Variants in UBE2R2 observed in about 807,000 individuals in gnomAD.
UBE2R2 encodes ubiquitin-conjugating enzyme E2 R2.
In UBE2R2, 1 loss-of-function variant was observed where a neutral mutation model predicts 27.8. That is an observed-to-expected ratio of 0.04 (90% CI 0.01 to 0.17). The LOEUF is 0.17. Ranked by LOEUF, UBE2R2 falls within the 10% of genes least tolerant of loss-of-function variation. UBE2R2 has a pLI of 1.00. For missense variants in UBE2R2, 100 were observed against 291.0 expected, an observed-to-expected ratio of 0.34 and a Z score of 4.78; for synonymous variants, 106 against 113.3, an observed-to-expected ratio of 0.94 and a Z score of 0.41.
rs144208933 is a variant in UBE2R2, at chr9:33,874,598, G to A, written c.178-12283G>A. Among the ~76,000 whole-genome samples, 332 of 150,758 alleles carry A rather than the reference G, an allele frequency of 2.2e-3. 5 individuals carry two copies. The highest frequency in any genetic ancestry group is 0.019 in the South Asian group (88 of 4,748). On this transcript the variant is annotated intron_variant, in intron 1 of 4. Coordinates refer to ENST00000263228, the MANE Select transcript of UBE2R2 (RefSeq NM_017811.4). ...TATATTATTATTATTTATCCTACCC[G>A]CCCCCTCCTCCATTTTATTTTGTAA...
chr9:33,817,718 G>A lies in UBE2R2; in HGVS notation c.-40G>A. 6.8e-7 allele frequency: 1 copy of A among 1,461,580 alleles called. No homozygotes were observed. The highest frequency in any genetic ancestry group is 9.1e-7 in the Non-Finnish European group (1 of 1,104,300). The allele number at this position is 1,461,580 out of a possible 1,614,324, so 90.5% of individuals were successfully genotyped here. On this transcript the variant is annotated 5_prime_UTR_variant, in exon 1 of 5. Coordinates refer to ENST00000263228, the MANE Select transcript of UBE2R2 (RefSeq NM_017811.4). ...CCGGCCCGGCCGGTGCGTGAGGACT[G>A]GGGCCCGGGCCCGGCGCCGCCGCCG...
chr9:33,915,208 G>A (rs890723249), intron 4 of UBE2R2, among the ~76,000 whole-genome samples: 9 of 152,040 alleles, frequency 5.9e-5, no homozygotes, highest in African/African-American at 1.9e-4. Flanking sequence ...GGGATGAGGG[G>A]ACAGATATAA....
At chr9:33,914,182 A>G (rs1368690146) in intron 4 of UBE2R2, among the ~76,000 whole-genome samples, 1 of 152,238 alleles carries the variant, frequency 6.6e-6, no homozygotes, top group Non-Finnish European at 1.5e-5. Context: ...TTGAAAACAA[A>G]TGACCATGTA....
chr9:33,830,207 G>A (rs1217617727), intron 1 of UBE2R2, among the ~76,000 whole-genome samples: 1 of 148,512 alleles, frequency 6.7e-6, no homozygotes, highest in Non-Finnish European at 1.5e-5. Flanking sequence ...ACCCATGCTG[G>A]AGTGCAGTTG....
chr9:33,839,997 T>TA (rs58097090), intron 1 of UBE2R2, among the ~76,000 whole-genome samples: 31 of 148,112 alleles, frequency 2.1e-4, no homozygotes, highest in South Asian at 4.3e-4. Context: ...CCCTGACTCT[T>TA]AAAAAAAAAA....
intron 1 of UBE2R2, among the ~76,000 whole-genome samples, chr9:33,832,326 A>C (rs1329317320): frequency 7.0e-6 from 1 of 143,874 alleles, no homozygotes; most frequent in African/African-American, 2.6e-5. Context: ...AAAAGAAAAG[A>C]AAAGAAATTA....
chr9:33,855,195 G>A (rs1044078518), intron 1 of UBE2R2, among the ~76,000 whole-genome samples: 17 of 152,076 alleles, frequency 1.1e-4, no homozygotes, highest in African/African-American at 3.9e-4. Context: ...GCCCCTCATG[G>A]CATTTTTTTG....
At chr9:33,905,200 C>T (rs1355037056) in intron 3 of UBE2R2, among the ~76,000 whole-genome samples, 1 of 152,078 alleles carries the variant, frequency 6.6e-6, no homozygotes, top group African/African-American at 2.4e-5. Context: ...AAAAATAAAG[C>T]GTGAAACCAA....
intron 3 of UBE2R2, among the ~76,000 whole-genome samples, chr9:33,904,534 T>TG (rs1822310458): frequency 6.6e-6 from 1 of 152,210 alleles, no homozygotes; most frequent in African/African-American, 2.4e-5. Context: ...ATGGACATAT[T>TG]TATAACATAA....
intron 1 of UBE2R2, among the ~76,000 whole-genome samples, chr9:33,850,445 A>T (rs373604716): frequency 5.6e-4 from 86 of 152,228 alleles, no homozygotes; most frequent in African/African-American, 2.0e-3. Flanking sequence ...TCATTCCATG[A>T]TACTAGATCT....
At chr9:33,884,886 C>T (rs1360899740) in intron 1 of UBE2R2, among the ~76,000 whole-genome samples, 1 of 152,068 alleles carries the variant, frequency 6.6e-6, no homozygotes, top group Admixed American at 6.6e-5. Flanking sequence ...TCTCCTCTTC[C>T]CCAGGGTTTT....
intron 1 of UBE2R2, among the ~76,000 whole-genome samples, chr9:33,851,670 T>C (rs1820970148): frequency 6.6e-6 from 1 of 152,210 alleles, no homozygotes; most frequent in Non-Finnish European, 1.5e-5. Context: ...TTTGCCAAGC[T>C]TCTCCACTAT....
At chr9:33,843,503 G>A (rs1341674267) in intron 1 of UBE2R2, among the ~76,000 whole-genome samples, 1 of 151,538 alleles carries the variant, frequency 6.6e-6, no homozygotes, top group Non-Finnish European at 1.5e-5. Context: ...TTTTGAGATG[G>A]AGTCTGGCTA....
chr9:33,884,961 C>T (rs890507108), intron 1 of UBE2R2, among the ~76,000 whole-genome samples: 2 of 151,974 alleles, frequency 1.3e-5, no homozygotes, highest in Non-Finnish European at 2.9e-5. Context: ...TATATAATGT[C>T]GATATTATTG....
intron 1 of UBE2R2, among the ~76,000 whole-genome samples, chr9:33,818,253 C>T (rs1190449705): frequency 6.6e-6 from 1 of 151,942 alleles, no homozygotes; most frequent in Non-Finnish European, 1.5e-5. Context: ...GTGGAAAGAG[C>T]GGTGGTCTAT....
chr9:33,841,579 A>AAT (rs1177306846), intron 1 of UBE2R2, among the ~76,000 whole-genome samples: 1 of 152,128 alleles, frequency 6.6e-6, no homozygotes, highest in Non-Finnish European at 1.5e-5. Flanking sequence ...TAGGGCGCCT[A>AAT]ATATGGACCT....
chr9:33,840,655 C>T (rs925746646), intron 1 of UBE2R2, among the ~76,000 whole-genome samples: 7 of 151,882 alleles, frequency 4.6e-5, no homozygotes, highest in Admixed American at 6.6e-5. Flanking sequence ...AAATCATGTC[C>T]GCAGTTGTTG....
At chr9:33,900,303 T>C (rs1822216517) in intron 3 of UBE2R2, 32 bp downstream of exon 3, 1 of 1,483,612 alleles carries the variant, frequency 6.7e-7, no homozygotes, top group South Asian at 1.1e-5. Flanking sequence ...GAGTTATTCT[T>C]AATCTCCTTA....
intron 3 of UBE2R2, 28 bp downstream of exon 3, chr9:33,900,299 TTC>T (rs1210613015): frequency 6.6e-7 from 1 of 1,516,962 alleles, no homozygotes; most frequent in Non-Finnish European, 9.1e-7. Context: ...TTTGGAGTTA[TTC>T]TTAATCTCCT....
Sources: gnomAD v4.1 joint callset for allele counts (sites outside exome capture counted in the v4.1 genomes callset) on GRCh38, gnomAD v4.1.1 for gene constraint, MANE v1.5 for transcripts, NCBI Gene and HGNC (gene_info 2026-07-23, HGNC 2026-07-21) for gene names.